Variants in STAB2 observed in about 807,000 individuals in gnomAD.
STAB2 encodes stabilin-2.
Under a neutral mutation model 338.1 loss-of-function variants are expected in STAB2, and 288 were observed. That is an observed-to-expected ratio of 0.85 (90% CI 0.77 to 0.94). STAB2 has a LOEUF of 0.94. Ranked by LOEUF, STAB2 falls within the 40% of genes least tolerant of loss-of-function variation. The probability of loss-of-function intolerance (pLI) is 0.00; values close to 1 mark genes in which losing one functional copy is unlikely to be tolerated. For synonymous variants in STAB2, 1,202 were observed against 1,193.3 expected, an observed-to-expected ratio of 1.01 and a Z score of -0.15; for missense variants, 3,141 against 3,210.1, an observed-to-expected ratio of 0.98 and a Z score of 0.52.
chr12:103,761,008 T>TCCTC (rs1555255456), intron 65 of STAB2, among the ~76,000 whole-genome samples: 13 of 151,580 alleles, frequency 8.6e-5, no homozygotes, highest in African/African-American at 2.9e-4. Flanking sequence ...GTTTGCTACT[T>TCCTC]CCTGGGTGAT....
At chr12:103,692,523 A>G (rs2138915553) in intron 30 of STAB2, among the ~76,000 whole-genome samples, 1 of 152,146 alleles carries the variant, frequency 6.6e-6, no homozygotes, top group Non-Finnish European at 1.5e-5. Context: ...TGATCACAGT[A>G]CCTCCCACAT....
intron 9 of STAB2, among the ~76,000 whole-genome samples, chr12:103,641,650 TA>T (rs1872935560): frequency 6.6e-6 from 1 of 152,198 alleles, no homozygotes; most frequent in African/African-American, 2.4e-5. Flanking sequence ...TGAGAAAGTC[TA>T]AATAGAATAC....
chr12:103,620,509 A>T lies in STAB2; in HGVS notation c.373A>T (p.Ser125Cys), dbSNP rs758077684. 1 of 1,583,804 alleles carries T rather than the reference A, an allele frequency of 6.3e-7. No homozygotes were observed. Among genetic ancestry groups the T allele is most frequent in the Admixed American group, 1.8e-5 (1 of 56,522 alleles). ...GAGSPCNGRGSCAEGMEGNGT... is the reference protein window; with the variant it reads ...GAGSPCNGRGCCAEGMEGNGT... ...GGGGTCACCCTGCAATGGCAGAGGC[A>T]GTTGTGCTGAAGGCATGGAAGGAAA... The change falls in exon 4 of 69, where the codon AGT becomes TGT. Residue 125 changes from serine (S) to cysteine (C), a missense_variant. Transcript: ENST00000388887.
intron 9 of STAB2, among the ~76,000 whole-genome samples, chr12:103,644,197 T>C (rs1192784892): frequency 2.8e-5 from 4 of 140,978 alleles, no homozygotes; most frequent in African/African-American, 5.3e-5. Context: ...AGAAAAATTC[T>C]TCTGCCTTGT....
intron 47 of STAB2, among the ~76,000 whole-genome samples, chr12:103,727,683 T>A (rs1393342556): frequency 1.3e-5 from 2 of 152,138 alleles, no homozygotes; most frequent in Non-Finnish European, 2.9e-5. Context: ...TTAAAGAGAT[T>A]TAAATAGATT....
At chr12:103,639,386 GC>G (rs765906816) in intron 8 of STAB2, among the ~76,000 whole-genome samples, 3 of 152,018 alleles carry the variant, frequency 2.0e-5, no homozygotes, top group African/African-American at 7.2e-5. Context: ...TGGTAGCACC[GC>G]CTCCTCCCAT....
chr12:103,742,674 T>C, intron 56 of STAB2, 120 bp downstream of exon 56: 1 of 1,470,772 alleles, frequency 6.8e-7, no homozygotes, highest in Non-Finnish European at 9.3e-7. Context: ...GCCACACCCC[T>C]CCAATCTGCC....
intron 31 of STAB2, 42 bp downstream of exon 31, chr12:103,692,931 C>T (rs765459988): frequency 6.4e-7 from 1 of 1,563,336 alleles, no homozygotes; most frequent in Non-Finnish European, 8.8e-7. Context: ...ATCTCTTTTC[C>T]CTTTGTTGTT....
Position 103,646,006 on chromosome 12 carries a change from G to A in STAB2, c.1041-2684G>A, listed in dbSNP as rs150271929. On this transcript the variant is annotated intron_variant, in intron 9 of 68. Transcript: ENST00000388887. ...CCAGCTAGAAAACTCATAGGCAGCC[G>A]AGCACGGTGGCTCACACCTGTAATC... 2.1e-3 allele frequency among the ~76,000 whole-genome samples: 325 copies of A among 152,228 alleles called. 1 individual carries two copies. The highest frequency in any genetic ancestry group is 7.3e-3 in the African/African-American group (305 of 41,538).
intron 4 of STAB2, 48 bp from the exon 5 acceptor site, chr12:103,621,994 C>T (rs772293724): frequency 1.3e-6 from 2 of 1,595,162 alleles, no homozygotes; most frequent in Non-Finnish European, 1.7e-6. Context: ...TTCCTTGGTA[C>T]CATGGGTCAC....
chr12:103,620,684 T>C lies in STAB2; in HGVS notation c.417+131T>C. 7.3e-6 allele frequency: 6 copies of C among 818,882 alleles called. No homozygotes were observed. The South Asian group carries it at 9.2e-5, about 13-fold the overall frequency. The allele number at this position is 818,882 out of a possible 1,614,324, so 50.7% of individuals were successfully genotyped here. A position where few individuals can be genotyped will look rare whatever the true frequency, so the allele number is the denominator to read the frequency against. On this transcript the variant is annotated intron_variant, in intron 4 of 68. Transcript: ENST00000388887. Reference sequence around the variant, plus strand: ...ACACACACATATACAGCGAAGTTCTTAAGCAGTGAAGGTATTAATTTTTTA... The same window carrying C: ...ACACACACATATACAGCGAAGTTCTCAAGCAGTGAAGGTATTAATTTTTTA...
At chr12:103,669,227 T>A (rs552787557) in intron 20 of STAB2, 18 of 332,214 alleles carry the variant, frequency 5.4e-5, no homozygotes, top group Middle Eastern at 8.6e-4. Context: ...TCTGAAATGA[T>A]CTTGTTTTAC....
chr12:103,716,001 A>C (rs1880283271), intron 43 of STAB2, 113 bp downstream of exon 43: 3 of 1,129,952 alleles, frequency 2.7e-6, no homozygotes, highest in South Asian at 1.5e-5. Context: ...GCTGCAGCTG[A>C]AAATAAATAC....
chr12:103,683,919 A>G (rs1014499882), intron 26 of STAB2, among the ~76,000 whole-genome samples: 1 of 152,164 alleles, frequency 6.6e-6, no homozygotes, highest in Non-Finnish European at 1.5e-5. Flanking sequence ...GTTCCAGGTA[A>G]CAGAGTCCAT....
rs778776525 is a variant in STAB2 at position 103,750,736 on chromosome 12, G to A, written c.6580+16G>A. On this transcript the variant is annotated intron_variant, in intron 60 of 68. Coordinates refer to ENST00000388887, the MANE Select transcript of STAB2 (RefSeq NM_017564.10). Reference sequence around the variant, plus strand: ...CACTTCCAGGGTTAGTGTGACCAGGGCCTATGGCCCAAAGCACCCTCCTCT... The same window carrying A: ...CACTTCCAGGGTTAGTGTGACCAGGACCTATGGCCCAAAGCACCCTCCTCT... 3 of 1,604,608 alleles carry A rather than the reference G, an allele frequency of 1.9e-6. No homozygotes were observed. Among genetic ancestry groups the A allele is most frequent in the African/African-American group, 1.3e-5 (1 of 74,714 alleles).
At chr12:103,663,600 G>A (rs1874814474) in intron 18 of STAB2, among the ~76,000 whole-genome samples, 1 of 151,844 alleles carries the variant, frequency 6.6e-6, no homozygotes, top group Admixed American at 6.6e-5. Context: ...CTCTCATCTC[G>A]GCCTCCCAAA....
intron 50 of STAB2, among the ~76,000 whole-genome samples, chr12:103,732,701 A>G (rs1881727475): frequency 6.6e-6 from 1 of 152,098 alleles, no homozygotes; most frequent in Admixed American, 6.5e-5. Context: ...GCTACTCAGG[A>G]GGTTGAGGTG....
intron 27 of STAB2, 84 bp downstream of exon 27, chr12:103,685,168 G>A: frequency 7.9e-7 from 1 of 1,267,430 alleles, no homozygotes; most frequent in Non-Finnish European, 1.1e-6. Context: ...GTGATCTATT[G>A]ACATATCTTT....
rs775036380 is a variant in STAB2 at position 103,706,898 on chromosome 12, G to A, written c.4103G>A (p.Gly1368Asp). ...GNGICLDGVN[G>D]TGVCECGEGF... ...GGCATCTGTTTGGATGGAGTGAATG[G>A]CACAGGTGTGTGTGAGTGTGGGGAG... Residue 1368 changes from glycine to aspartate, a missense_variant, in exon 38 of 69, where the codon GGC (glycine) becomes GAC (aspartate). Transcript: ENST00000388887. 1.9e-6 allele frequency: 3 copies of A among 1,614,254 alleles called. No individual in the cohort carries two copies. In the East Asian group the frequency reaches 6.7e-5, roughly 36 times the overall value.
Sources: allele counts gnomAD v4.1 joint callset (sites outside exome capture counted in the v4.1 genomes callset), GRCh38; gene constraint gnomAD v4.1.1; transcripts MANE v1.5; gene names NCBI Gene and HGNC (gene_info 2026-07-23, HGNC 2026-07-21).